The following SNTG1 variants were observed in gnomAD, a reference collection of about 807,000 sequenced individuals.
The protein encoded by SNTG1 is syntrophin gamma 1.
SNTG1 carries 39 observed loss-of-function variants against 74.7 expected under a neutral mutation model. The observed-to-expected ratio is 0.52, with a 90% CI of 0.40 to 0.68. The LOEUF (loss-of-function observed/expected upper bound fraction) is 0.68. Ranked by LOEUF, SNTG1 falls within the 30% of genes least tolerant of loss-of-function variation. The pLI is 0.00. For missense variants in SNTG1, 685 were observed against 609.5 expected (o/e 1.12, Z -1.30); for synonymous variants, 254 against 217.1 (o/e 1.17, Z -1.49).
At position 50,094,952 on chromosome 8, in the gene SNTG1, A is replaced by G. The variant is rs138671668; in HGVS notation, c.-102-77609A>G. ...ACTGGATAAAGAAAATGTGGCACAT[A>G]TACACCATAGACTATTACATAGCCA... On this transcript the variant is annotated intron_variant, in intron 1 of 18. Transcript: ENST00000642720. 2.6e-3 allele frequency among the ~76,000 whole-genome samples: 396 copies of G among 152,320 alleles called. 1 individual carries two copies. Among genetic ancestry groups the G allele is most frequent in the African/African-American group, 9.0e-3 (373 of 41,568 alleles).
At chr8:49,980,305 G>A (rs1012674454) in intron 1 of SNTG1, among the ~76,000 whole-genome samples, 1 of 152,024 alleles carries the variant, frequency 6.6e-6, no homozygotes, top group Admixed American at 6.6e-5. Flanking sequence ...TGGCCCAGTA[G>A]CCATTCTCCT....
chr8:49,991,000 G>C (rs934803951), intron 1 of SNTG1, among the ~76,000 whole-genome samples: 1 of 152,036 alleles, frequency 6.6e-6, no homozygotes, highest in Admixed American at 6.6e-5. Flanking sequence ...GAGAATCAAA[G>C]GGCAGCCTAG....
chr8:50,490,207 T>C (rs2093838685), intron 8 of SNTG1, among the ~76,000 whole-genome samples: 1 of 152,234 alleles, frequency 6.6e-6, no homozygotes, highest in Admixed American at 6.5e-5. Context: ...AGTAACATGA[T>C]GCCTCCAGCT....
intron 17 of SNTG1, among the ~76,000 whole-genome samples, chr8:50,720,691 G>T (rs1253006234): frequency 6.6e-6 from 1 of 152,174 alleles, no homozygotes; most frequent in Non-Finnish European, 1.5e-5. Flanking sequence ...AGGATAAAAG[G>T]TATGTTTACG....
intron 18 of SNTG1, among the ~76,000 whole-genome samples, chr8:50,778,105 A>G (rs1301603295): frequency 3.3e-5 from 5 of 152,232 alleles, no homozygotes; most frequent in South Asian, 2.1e-4. Flanking sequence ...TCTATCATTG[A>G]TGGACATTTG....
chr8:50,607,209 A>G (rs1033331687), intron 13 of SNTG1, among the ~76,000 whole-genome samples: 12 of 152,014 alleles, frequency 7.9e-5, no homozygotes, highest in Middle Eastern at 3.4e-3. Context: ...CTGGTATCAG[A>G]GTAATGGTAG....
chr8:49,914,474 G>A (rs1012161439), intron 1 of SNTG1, among the ~76,000 whole-genome samples: 1 of 151,990 alleles, frequency 6.6e-6, no homozygotes, highest in African/African-American at 2.4e-5. Context: ...AAAATGTAAA[G>A]TATATATAGG....
chr8:50,105,725 C>G (rs1300665838), intron 1 of SNTG1, among the ~76,000 whole-genome samples: 1 of 151,946 alleles, frequency 6.6e-6, no homozygotes, highest in Non-Finnish European at 1.5e-5. Context: ...TTTTGTAAAT[C>G]TCATTGTAGA....
chr8:50,147,827 C>T (rs1246006560), intron 1 of SNTG1, among the ~76,000 whole-genome samples: 2 of 152,130 alleles, frequency 1.3e-5, no homozygotes, highest in African/African-American at 2.4e-5. Context: ...ATTCCAGTAA[C>T]CATAAACACA....
chr8:50,162,915 T>A (rs1038904351), intron 1 of SNTG1, among the ~76,000 whole-genome samples: 1 of 152,142 alleles, frequency 6.6e-6, no homozygotes, highest in East Asian at 1.9e-4. Context: ...GCATATTCTA[T>A]AGCAAGGCAC....
intron 2 of SNTG1, among the ~76,000 whole-genome samples, chr8:50,289,930 C>T (rs551400756): frequency 1.2e-4 from 18 of 152,022 alleles, no homozygotes; most frequent in East Asian, 1.9e-4. Flanking sequence ...CTTTGGATTC[C>T]GCAGAATGTC....
chr8:50,252,946 T>G (rs1273200930), intron 2 of SNTG1, among the ~76,000 whole-genome samples: 1 of 152,032 alleles, frequency 6.6e-6, no homozygotes, highest in Non-Finnish European at 1.5e-5. Flanking sequence ...TCAGTAATAA[T>G]GAGGGAAATG....
At chr8:49,981,340 C>T (rs1428343559) in intron 1 of SNTG1, among the ~76,000 whole-genome samples, 1 of 152,126 alleles carries the variant, frequency 6.6e-6, no homozygotes, top group African/African-American at 2.4e-5. Flanking sequence ...AATACAGAGC[C>T]TCAGTCTTCT....
intron 9 of SNTG1, among the ~76,000 whole-genome samples, chr8:50,512,923 G>A (rs912480622): frequency 6.6e-6 from 1 of 152,152 alleles, no homozygotes; most frequent in East Asian, 1.9e-4. Context: ...ACTCATCAAA[G>A]TCATTCTCAA....
At chr8:50,191,842 C>A (rs2083590539) in intron 2 of SNTG1, among the ~76,000 whole-genome samples, 2 of 152,044 alleles carry the variant, frequency 1.3e-5, no homozygotes, top group Non-Finnish European at 2.9e-5. Flanking sequence ...TATTTGTCCT[C>A]TCAGTATATT....
At chr8:50,487,459 C>T (rs2093806704) in intron 8 of SNTG1, among the ~76,000 whole-genome samples, 1 of 152,070 alleles carries the variant, frequency 6.6e-6, no homozygotes. Flanking sequence ...CAATGATAGA[C>T]TGGATTAAGA....
intron 8 of SNTG1, among the ~76,000 whole-genome samples, chr8:50,476,184 T>A (rs960319765): frequency 6.6e-6 from 1 of 152,218 alleles, no homozygotes; most frequent in Non-Finnish European, 1.5e-5. Flanking sequence ...GGAGTAATGA[T>A]GCTGGCATAT....
chr8:50,269,170 G>T (rs765531489), intron 2 of SNTG1, among the ~76,000 whole-genome samples: 1 of 151,910 alleles, frequency 6.6e-6, no homozygotes, highest in Non-Finnish European at 1.5e-5. Flanking sequence ...TCTAAAACTG[G>T]GCTAAGAATT....
chr8:50,688,558 G>A (rs1310555657), intron 15 of SNTG1, among the ~76,000 whole-genome samples: 5 of 152,172 alleles, frequency 3.3e-5, no homozygotes, highest in African/African-American at 4.8e-5. Flanking sequence ...TCAAAGATCA[G>A]ATAATTGTAG....
Sources: gnomAD v4.1 joint callset for allele counts (sites outside exome capture counted in the v4.1 genomes callset) on GRCh38, gnomAD v4.1.1 for gene constraint, MANE v1.5 for transcripts, NCBI Gene and HGNC (gene_info 2026-07-23, HGNC 2026-07-21) for gene names.